Variants in DERA observed in about 807,000 individuals in gnomAD.
The protein encoded by DERA is 2-deoxy-D-ribose 5-phosphate aldolase.
DERA carries 15 observed loss-of-function variants against 41.1 expected under a neutral mutation model. That is an observed-to-expected ratio of 0.37 (90% CI 0.24 to 0.56). The LOEUF (loss-of-function observed/expected upper bound fraction) is 0.56. DERA is among the 20% of genes least tolerant of loss of function. The pLI, the probability that DERA is intolerant of heterozygous loss-of-function variation, is 0.81. For synonymous variants in DERA, 139 were observed against 137.4 expected (o/e 1.01, Z -0.08); for missense variants, 396 against 403.4 (o/e 0.98, Z 0.16).
chr12:15,926,662 G>A (rs1323959738), intron 1 of DERA, among the ~76,000 whole-genome samples: 2 of 151,868 alleles, frequency 1.3e-5, no homozygotes, highest in Non-Finnish European at 1.5e-5. Context: ...CGTGAACCCG[G>A]GAGGCGGAGC....
intron 1 of DERA, among the ~76,000 whole-genome samples, chr12:15,937,068 G>T (rs1948373656): frequency 6.6e-6 from 1 of 152,054 alleles, no homozygotes; most frequent in Non-Finnish European, 1.5e-5. Context: ...AAGCTCCTGG[G>T]CTCAGCCTCC....
intron 1 of DERA, among the ~76,000 whole-genome samples, chr12:15,948,093 C>T (rs1948465813): frequency 6.6e-6 from 1 of 152,174 alleles, no homozygotes; most frequent in Non-Finnish European, 1.5e-5. Flanking sequence ...GATGGGCTTC[C>T]CTTTATGGGT....
At chr12:15,949,705 C>T (rs1948482359) in intron 1 of DERA, among the ~76,000 whole-genome samples, 1 of 152,146 alleles carries the variant, frequency 6.6e-6, no homozygotes, top group Admixed American at 6.5e-5. Flanking sequence ...CACCCACTGT[C>T]CTGCACCCAC....
At chr12:15,927,750 T>C (rs1183775487) in intron 1 of DERA, among the ~76,000 whole-genome samples, 1 of 152,252 alleles carries the variant, frequency 6.6e-6, no homozygotes, top group Non-Finnish European at 1.5e-5. Context: ...TACTTTTGTA[T>C]GTTTTATTAT....
Position 15,935,860 on chromosome 12 carries a change from C to T in DERA, c.32-21076C>T, listed in dbSNP as rs1365866013. ...GCTGGGTGGTTCTGGCTTGGGGTCT[C>T]TCATGAGGTTGCAATCAAGTTATTG... On this transcript the variant is annotated intron_variant, in intron 1 of 8. Coordinates refer to ENST00000428559, the MANE Select transcript of DERA (RefSeq NM_015954.4). The surrounding 1 kb of genome is among the most constrained non-coding windows in gnomAD (Gnocchi z 4.8). Among the ~76,000 whole-genome samples, 1 of 152,132 alleles carries T rather than the reference C, an allele frequency of 6.6e-6. No homozygotes were observed.
intron 5 of DERA, among the ~76,000 whole-genome samples, chr12:15,980,763 T>A (rs1026882826): frequency 2.6e-5 from 4 of 152,160 alleles, no homozygotes; most frequent in Admixed American, 2.6e-4. Flanking sequence ...CATCTCTCAG[T>A]GGTAACAAAC....
intron 4 of DERA, among the ~76,000 whole-genome samples, chr12:15,960,622 C>G (rs981701279): frequency 1.4e-4 from 15 of 110,092 alleles, no homozygotes; most frequent in African/African-American, 5.4e-4. Context: ...GGGTGATAGA[C>G]CAAGACTCCG....
rs1350081712 is a variant in DERA, at chr12:15,911,451, C to G, written c.31+37C>G. ...GCGGGGCTCCCCATCCCCTCTCCCT[C>G]GCGTTCAGCGCCGCCGGGACTAGCG... On this transcript the variant is annotated intron_variant, in intron 1 of 8. Coordinates refer to ENST00000428559, the MANE Select transcript of DERA (RefSeq NM_015954.4). This position sits in a 1 kb window ranked among gnomAD's most constrained non-coding sequence, Gnocchi z 4.5. 2 of 1,408,924 alleles carry G rather than the reference C, an allele frequency of 1.4e-6. No individual in the cohort carries two copies. The highest frequency in any genetic ancestry group is 1.8e-6 in the Non-Finnish European group (2 of 1,087,762). The allele number at this position is 1,408,924 out of a possible 1,614,324, so 87.3% of individuals were successfully genotyped here.
rs77378832 is a variant in DERA at position 15,954,412 on chromosome 12, C to G, written c.32-2524C>G. Among the ~76,000 whole-genome samples, 3,196 of 152,174 alleles carry G rather than the reference C, an allele frequency of 0.021. 125 individuals carry two copies. The highest frequency in any genetic ancestry group is 0.073 in the African/African-American group (3,012 of 41,500). On this transcript the variant is annotated intron_variant, in intron 1 of 8. Coordinates refer to ENST00000428559, the MANE Select transcript of DERA (RefSeq NM_015954.4). The surrounding 1 kb of genome is among the most constrained non-coding windows in gnomAD (Gnocchi z 4.0). ...TGGAATGCAGAGTTTCATGGAAGCA[C>G]GAAGAAGCAAAGGGATGTCTCAACC...
rs188153037 is a variant in DERA at position 15,982,753 on chromosome 12, A to G, written c.637+317A>G. 1.6e-3 allele frequency among the ~76,000 whole-genome samples: 251 copies of G among 152,256 alleles called. No homozygotes were observed. Among genetic ancestry groups the G allele is most frequent in the Non-Finnish European group, 2.9e-3 (195 of 68,032 alleles). On this transcript the variant is annotated intron_variant, in intron 6 of 8. Transcript: ENST00000428559. The surrounding 1 kb of genome is among the most constrained non-coding windows in gnomAD (Gnocchi z 4.0). ...CACTCATCAACATATGTTAGACAGG[A>G]ATTTCTTTGACTTACTCCTCTCTGA... is the stretch of plus-strand genomic sequence containing the variant.
chr12:16,016,052 C>A (rs530789311), intron 6 of DERA, among the ~76,000 whole-genome samples: 1 of 152,324 alleles, frequency 6.6e-6, no homozygotes, highest in East Asian at 1.9e-4. Context: ...TCTTTGCTCC[C>A]TTTCTCACAT....
At position 15,954,085 on chromosome 12, in the gene DERA, C is replaced by T. The variant is rs1948519390; in HGVS notation, c.32-2851C>T. On this transcript the variant is annotated intron_variant, in intron 1 of 8. Coordinates refer to ENST00000428559, the MANE Select transcript of DERA (RefSeq NM_015954.4). This position sits in a 1 kb window ranked among gnomAD's most constrained non-coding sequence, Gnocchi z 4.0. ...GTTTCTGAGAAGTGCAAGAGCAGAC[C>T]TTGTGAGTTCTAACCTTTGGTGTAC... Among the ~76,000 whole-genome samples the T allele has an allele frequency of 6.6e-6, 1 of 152,168 alleles. No individual in the cohort carries two copies. Among genetic ancestry groups the T allele is most frequent in the Non-Finnish European group, 1.5e-5 (1 of 68,026 alleles).
At chr12:15,975,253 A>G (rs1948689127) in intron 5 of DERA, among the ~76,000 whole-genome samples, 1 of 150,888 alleles carries the variant, frequency 6.6e-6, no homozygotes, top group South Asian at 2.1e-4. Context: ...GTGAGCCAGG[A>G]GTGCTGAGTG....
In DERA at chr12:16,013,491, C is replaced by G. The variant is rs1056201068; in HGVS notation, c.638-19051C>G. On this transcript the variant is annotated intron_variant, in intron 6 of 8. Coordinates refer to ENST00000428559, the MANE Select transcript of DERA (RefSeq NM_015954.4). The surrounding 1 kb of genome is among the most constrained non-coding windows in gnomAD (Gnocchi z 5.8). ...CTGCTGCCTTGTGAAGAAGGTGCCT[C>G]ACTACCCCTTCACCTTCTGCCATGA... 9.9e-5 allele frequency among the ~76,000 whole-genome samples: 15 copies of G among 152,184 alleles called. No homozygotes were observed. Among genetic ancestry groups the G allele is most frequent in the African/African-American group, 3.1e-4 (13 of 41,452 alleles).
rs756258150 is a variant in DERA, at chr12:16,019,386, C to T, written c.638-13156C>T. Reference sequence around the variant, plus strand: ...CATCCAATACAGACACTAAATTTAGCATCTTAAAACACTGATTTCATGTGA... The same window carrying T: ...CATCCAATACAGACACTAAATTTAGTATCTTAAAACACTGATTTCATGTGA... On this transcript the variant is annotated intron_variant, in intron 6 of 8. Coordinates refer to ENST00000428559, the MANE Select transcript of DERA (RefSeq NM_015954.4). This position sits in a 1 kb window ranked among gnomAD's most constrained non-coding sequence, Gnocchi z 4.4. Among the ~76,000 whole-genome samples the T allele has an allele frequency of 3.9e-5, 6 of 152,162 alleles. No homozygotes were observed. Among genetic ancestry groups the T allele is most frequent in the Non-Finnish European group, 7.4e-5 (5 of 68,026 alleles).
At position 16,036,128 on chromosome 12, in the gene DERA, CA is replaced by C. The variant is rs1949126189; in HGVS notation, c.751-100del. The C allele has an allele frequency of 2.7e-6, 3 of 1,127,142 alleles. No individual in the cohort carries two copies. In the East Asian group the frequency reaches 9.3e-5, roughly 35 times the overall value. 69.8% of individuals were successfully genotyped at this position (1,127,142 alleles called of 1,614,324 possible). On this transcript the variant is annotated intron_variant, in intron 7 of 8. Coordinates refer to ENST00000428559, the MANE Select transcript of DERA (RefSeq NM_015954.4). This position sits in a 1 kb window ranked among gnomAD's most constrained non-coding sequence, Gnocchi z 4.9. ...ATGAAGTGAAAAGATTTTTTTTCAACAAAAGAGGGAGAGAGAGAATCAAGAC... is the reference window on the plus strand; with the variant it reads ...ATGAAGTGAAAAGATTTTTTTTCAACAAAGAGGGAGAGAGAGAATCAAGAC...
chr12:16,010,097 G>GT lies in DERA; in HGVS notation c.638-22441dup, dbSNP rs1948937551. ...GGTTGTGTGTTATTTCCATTTAAGA[G>GT]TTTTAGTAAAGGAAGCCAAGCCCTT... On this transcript the variant is annotated intron_variant, in intron 6 of 8. Coordinates refer to ENST00000428559, the MANE Select transcript of DERA (RefSeq NM_015954.4). The surrounding 1 kb of genome is among the most constrained non-coding windows in gnomAD (Gnocchi z 5.5). Among the ~76,000 whole-genome samples the GT allele has an allele frequency of 6.6e-6, 1 of 152,090 alleles. No homozygotes were observed. Among genetic ancestry groups the GT allele is most frequent in the African/African-American group, 2.4e-5 (1 of 41,400 alleles).
rs116586585 is a variant in DERA at position 15,924,955 on chromosome 12, A to G, written c.31+13541A>G. 0.02 allele frequency among the ~76,000 whole-genome samples: 3,023 copies of G among 152,314 alleles called. 101 individuals carry two copies. Among genetic ancestry groups the G allele is most frequent in the African/African-American group, 0.07 (2,891 of 41,550 alleles). Reference sequence around the variant, plus strand: ...CTGTATCACTTATGTCACCTTGAACAGTACTTTTCATAATGTGAAGACTTG... The same window carrying G: ...CTGTATCACTTATGTCACCTTGAACGGTACTTTTCATAATGTGAAGACTTG... On this transcript the variant is annotated intron_variant, in intron 1 of 8. Transcript: ENST00000428559. The surrounding 1 kb of genome is among the most constrained non-coding windows in gnomAD (Gnocchi z 5.0).
In DERA at chr12:15,972,989, T is replaced by G. The variant is rs1410513811; in HGVS notation, c.509-9319T>G. On this transcript the variant is annotated intron_variant, in intron 5 of 8. Coordinates refer to ENST00000428559, the MANE Select transcript of DERA (RefSeq NM_015954.4). The surrounding 1 kb of genome is among the most constrained non-coding windows in gnomAD (Gnocchi z 4.4). ...CTTTCCCTCCTTTCCACTCCTTGGATCCACACTCTGATGCACACAGGCCTT... is the reference window on the plus strand; with the variant it reads ...CTTTCCCTCCTTTCCACTCCTTGGAGCCACACTCTGATGCACACAGGCCTT... Among the ~76,000 whole-genome samples, 2 of 152,156 alleles carry G rather than the reference T, an allele frequency of 1.3e-5. No individual in the cohort carries two copies. The highest frequency in any genetic ancestry group is 2.4e-5 in the African/African-American group (1 of 41,430).
Sources: allele counts gnomAD v4.1 joint callset (sites outside exome capture counted in the v4.1 genomes callset), GRCh38; gene constraint gnomAD v4.1.1; non-coding constraint Gnocchi (gnomAD v3.1); transcripts MANE v1.5; gene names NCBI Gene and HGNC (gene_info 2026-07-23, HGNC 2026-07-21).